The following GLI3 variants were observed in gnomAD, a reference collection of about 807,000 sequenced individuals.
The protein encoded by GLI3 is GLI family zinc finger 3.
GLI3 carries 20 observed loss-of-function variants against 100.8 expected under a neutral mutation model. The ratio of observed to expected loss-of-function variants is 0.20; its 90% CI spans 0.14 to 0.29. The LOEUF (loss-of-function observed/expected upper bound fraction) is 0.29, where lower values mean the gene tolerates loss of function less well. Among genes scored for constraint, GLI3 ranks in the 10% least tolerant of loss-of-function variants. The pLI is 1.00. For missense variants in GLI3, 2,040 were observed against 2,128.5 expected, an observed-to-expected ratio of 0.96 and a Z score of 0.82; for synonymous variants, 938 against 860.5, an observed-to-expected ratio of 1.09 and a Z score of -1.58.
intron 2 of GLI3, among the ~76,000 whole-genome samples, chr7:42,206,533 A>C (rs1788157181): frequency 1.3e-5 from 2 of 152,188 alleles, no homozygotes; most frequent in Middle Eastern, 3.2e-3. Flanking sequence ...GATTATATCC[A>C]TGCATGTTTT....
chr7:42,227,977 T>C (rs1490676142), intron 1 of GLI3, among the ~76,000 whole-genome samples: 1 of 152,184 alleles, frequency 6.6e-6, no homozygotes, highest in Non-Finnish European at 1.5e-5. Context: ...CCTGTCGAGT[T>C]CCCTTCAGGT....
chr7:42,009,480 C>CTTTT (rs3030324), intron 10 of GLI3, among the ~76,000 whole-genome samples: 7 of 118,362 alleles, frequency 5.9e-5, no homozygotes, highest in Admixed American at 1.7e-4. Flanking sequence ...GCAAATTGTT[C>CTTTT]TTTTTTTTTT....
intron 1 of GLI3, among the ~76,000 whole-genome samples, chr7:42,224,702 A>G (rs1026061999): frequency 4.6e-5 from 7 of 152,256 alleles, no homozygotes; most frequent in Non-Finnish European, 1.0e-4. Context: ...CTGACAAAGT[A>G]TTATACAACA....
intron 3 of GLI3, among the ~76,000 whole-genome samples, chr7:42,086,862 T>C (rs1785112439): frequency 6.6e-6 from 1 of 152,174 alleles, no homozygotes; most frequent in Non-Finnish European, 1.5e-5. Flanking sequence ...TCATCCTCAG[T>C]GCGCTTCCTC....
intron 2 of GLI3, among the ~76,000 whole-genome samples, chr7:42,215,896 A>G (rs1335094429): frequency 7.1e-6 from 1 of 139,862 alleles, no homozygotes; most frequent in Non-Finnish European, 1.6e-5. Flanking sequence ...CAATTAGCCA[A>G]TCCTCAATCA....
rs916500926 is a variant in GLI3 at position 42,157,510 on chromosome 7, A to G, written c.125-9042T>C. On this transcript the variant is annotated intron_variant, in intron 2 of 14. Coordinates refer to ENST00000395925, the MANE Select transcript of GLI3 (RefSeq NM_000168.6). ...TCACTCACTTAGCCACCAGGCTGCC[A>G]TGTCTCTAAATTGTTTAAGGATTCG... Among the ~76,000 whole-genome samples the G allele has an allele frequency of 5.3e-5, 8 of 152,198 alleles. No individual in the cohort carries two copies. In the South Asian group the frequency reaches 6.2e-4, roughly 12 times the overall value.
chr7:42,114,693 T>TTTTGTTTG (rs571303286), intron 3 of GLI3, among the ~76,000 whole-genome samples: 1 of 151,830 alleles, frequency 6.6e-6, no homozygotes, highest in East Asian at 1.9e-4. Context: ...GGGGAGAGTT[T>TTTTGTTTG]TTTGTTTGTT....
intron 3 of GLI3, among the ~76,000 whole-genome samples, chr7:42,079,291 T>C (rs1272153839): frequency 6.6e-6 from 1 of 152,186 alleles, no homozygotes; most frequent in African/African-American, 2.4e-5. Flanking sequence ...ATTTAACCAT[T>C]TTCAAAGGAA....
At chr7:42,116,950 A>G (rs1473843113) in intron 3 of GLI3, among the ~76,000 whole-genome samples, 1 of 152,054 alleles carries the variant, frequency 6.6e-6, no homozygotes, top group African/African-American at 2.4e-5. Flanking sequence ...TCCCTTTACC[A>G]ATGTTCAGCC....
intron 1 of GLI3, among the ~76,000 whole-genome samples, chr7:42,232,060 A>T (rs917714948): frequency 1.3e-5 from 2 of 152,176 alleles, no homozygotes; most frequent in Non-Finnish European, 2.9e-5. Flanking sequence ...TAAGAATTAT[A>T]GAAGTACACA....
At chr7:42,226,148 C>A (rs1788576577) in intron 1 of GLI3, among the ~76,000 whole-genome samples, 1 of 152,214 alleles carries the variant, frequency 6.6e-6, no homozygotes, top group Admixed American at 6.5e-5. Context: ...CAAGAATTTA[C>A]TATGCTATAA....
chr7:42,161,699 A>T (rs531186141), intron 2 of GLI3, among the ~76,000 whole-genome samples: 171 of 152,232 alleles, frequency 1.1e-3, no homozygotes, highest in Non-Finnish European at 2.1e-3. Flanking sequence ...GTCTCCTATG[A>T]TTCTGAACCT....
intron 2 of GLI3, among the ~76,000 whole-genome samples, chr7:42,205,593 A>G (rs1409696218): frequency 1.3e-5 from 2 of 152,220 alleles, no homozygotes; most frequent in African/African-American, 2.4e-5. Flanking sequence ...CTGAGCCAAT[A>G]TAAGAGGTGT....
intron 1 of GLI3, among the ~76,000 whole-genome samples, chr7:42,246,907 G>A (rs1281959925): frequency 6.8e-6 from 1 of 146,392 alleles, no homozygotes; most frequent in Non-Finnish European, 1.5e-5. Flanking sequence ...CTGAGAATGG[G>A]TTTATATGCA....
chr7:42,172,701 T>C (rs1443641479), intron 2 of GLI3: 1 of 698,142 alleles, frequency 1.4e-6, no homozygotes, highest in Non-Finnish European at 2.6e-6. Flanking sequence ...GAGAAGGGGA[T>C]GAGTTTTCAG....
intron 10 of GLI3, among the ~76,000 whole-genome samples, chr7:41,980,856 T>G (rs1419207884): frequency 6.6e-6 from 1 of 152,220 alleles, no homozygotes; most frequent in Non-Finnish European, 1.5e-5. Context: ...CAGACATGAT[T>G]CTTGCCCCAA....
At chr7:42,185,702 C>T (rs1327487633) in intron 2 of GLI3, among the ~76,000 whole-genome samples, 1 of 152,224 alleles carries the variant, frequency 6.6e-6, no homozygotes, top group African/African-American at 2.4e-5. Flanking sequence ...TCTTCTTGAA[C>T]AACCAGTGAG....
At chr7:41,983,326 C>T (rs191256580) in intron 10 of GLI3, among the ~76,000 whole-genome samples, 9 of 152,032 alleles carry the variant, frequency 5.9e-5, no homozygotes, top group South Asian at 2.1e-4. Flanking sequence ...GGTACCCCAA[C>T]GAAGGGAGGG....
chr7:42,093,314 G>A (rs561947765), intron 3 of GLI3, among the ~76,000 whole-genome samples: 6 of 150,914 alleles, frequency 4.0e-5, no homozygotes, highest in South Asian at 2.1e-4. Context: ...GGGAGGCGGC[G>A]GTTGCAGTGA....
Sources: gnomAD v4.1 joint callset for allele counts (sites outside exome capture counted in the v4.1 genomes callset) on GRCh38, gnomAD v4.1.1 for gene constraint, MANE v1.5 for transcripts, NCBI Gene and HGNC (gene_info 2026-07-23, HGNC 2026-07-21) for gene names.